ADAMTS2: variants seen among roughly 807,000 people sequenced by gnomAD.
ADAMTS2 encodes the protein A disintegrin and metalloproteinase with thrombospondin motifs 2.
ADAMTS2 carries 50 observed loss-of-function variants against 123.0 expected under a neutral mutation model. That is an observed-to-expected ratio of 0.41 (90% CI 0.32 to 0.51). ADAMTS2 has a LOEUF of 0.51. Ranked by LOEUF, ADAMTS2 falls within the 20% of genes least tolerant of loss-of-function variation. The pLI is 0.35. For synonymous variants in ADAMTS2, 678 were observed against 695.4 expected (o/e 0.98, Z 0.39); for missense variants, 1,494 against 1,705.2 (o/e 0.88, Z 2.18).
At chr5:179,301,935 T>G (rs1035577583) in intron 2 of ADAMTS2, among the ~76,000 whole-genome samples, 2 of 152,228 alleles carry the variant, frequency 1.3e-5, no homozygotes, top group Non-Finnish European at 2.9e-5. Flanking sequence ...GGCCCCCAGC[T>G]GCTTGGGAAC....
At chr5:179,126,259 G>A (rs1581139481) in intron 17 of ADAMTS2, 129 bp from the exon 18 acceptor site, 2 of 1,359,374 alleles carry the variant, frequency 1.5e-6, no homozygotes, top group Admixed American at 1.7e-5. Flanking sequence ...AATAAGGGTG[G>A]GCAGGGCACC....
At chr5:179,277,317 TGACACCCCGAGACCAAA>T (rs1766726073) in intron 2 of ADAMTS2, among the ~76,000 whole-genome samples, 2 of 5,936 alleles carry the variant, frequency 3.4e-4, no homozygotes, top group African/African-American at 4.7e-4. Context: ...GACCAAAGGC[TGACACCCCGAGACCAAA>T]GGCTGACCCC....
rs768741359 is a variant in ADAMTS2 at position 179,308,463 on chromosome 5, T to A, written c.534+35304A>T. 4.5e-4 allele frequency among the ~76,000 whole-genome samples: 68 copies of A among 152,024 alleles called. 1 individual carries two copies. The highest frequency in any genetic ancestry group is 6.3e-4 in the Non-Finnish European group (43 of 67,996). ...GAGGACAGGAACGGGCAGCCGCCACTGTTCACGAGCAAGGGTGCAGGGGCA... is the reference window on the plus strand; with the variant it reads ...GAGGACAGGAACGGGCAGCCGCCACAGTTCACGAGCAAGGGTGCAGGGGCA... On this transcript the variant is annotated intron_variant, in intron 2 of 21. Transcript: ENST00000251582. The surrounding 1 kb of genome is among the most constrained non-coding windows in gnomAD (Gnocchi z 6.6).
intron 3 of ADAMTS2, among the ~76,000 whole-genome samples, chr5:179,212,507 T>A (rs1419350256): frequency 9.4e-6 from 1 of 106,008 alleles, no homozygotes; most frequent in Non-Finnish European, 1.9e-5. Flanking sequence ...AGGCACGGGC[T>A]TTGTGGGCAG....
intron 4 of ADAMTS2, among the ~76,000 whole-genome samples, chr5:179,196,549 G>A (rs545642342): frequency 3.3e-4 from 51 of 152,330 alleles, no homozygotes; most frequent in African/African-American, 3.6e-4. Flanking sequence ...AAGAATCCCC[G>A]AAGTAGCCTC....
In ADAMTS2 at chr5:179,129,347, C is replaced by A. The variant is rs539910229; in HGVS notation, c.2457+585G>T. On this transcript the variant is annotated intron_variant, in intron 16 of 21. Coordinates refer to ENST00000251582, the MANE Select transcript of ADAMTS2 (RefSeq NM_014244.5). This position sits in a 1 kb window ranked among gnomAD's most constrained non-coding sequence, Gnocchi z 4.1. ...CCAGCATGCCCACCTTAGGGAGGGG[C>A]TCCAGAGCATGGGAGCCTTATTTGT... Among the ~76,000 whole-genome samples, 82 of 152,274 alleles carry A rather than the reference C, an allele frequency of 5.4e-4. No individual in the cohort carries two copies. The highest frequency in any genetic ancestry group is 1.9e-3 in the African/African-American group (80 of 41,534).
At position 179,284,959 on chromosome 5, in the gene ADAMTS2, C is replaced by T. The variant is rs115230461; in HGVS notation, c.535-11895G>A. Among the ~76,000 whole-genome samples the T allele has an allele frequency of 8.7e-3, 1,322 of 152,288 alleles. 12 individuals carry two copies. The highest frequency in any genetic ancestry group is 0.014 in the Middle Eastern group (4 of 294). On this transcript the variant is annotated intron_variant, in intron 2 of 21. Transcript: ENST00000251582. Reference sequence around the variant, plus strand: ...TCTGCCTCGATTCAAATGTTTACTTCACCTCTGACTGAGTGGCCTCTCTGT... The same window carrying T: ...TCTGCCTCGATTCAAATGTTTACTTTACCTCTGACTGAGTGGCCTCTCTGT...
intron 3 of ADAMTS2, among the ~76,000 whole-genome samples, chr5:179,263,586 C>T (rs890707178): frequency 3.3e-5 from 5 of 152,232 alleles, no homozygotes; most frequent in African/African-American, 7.2e-5. Flanking sequence ...GCGTGAGCTG[C>T]GCTCCTGGCC....
At chr5:179,168,921 C>G (rs1043879886) in intron 5 of ADAMTS2, among the ~76,000 whole-genome samples, 2 of 152,182 alleles carry the variant, frequency 1.3e-5, no homozygotes, top group Non-Finnish European at 2.9e-5. Context: ...ACTCCCATAT[C>G]GTTCCAGCAT....
chr5:179,123,701 T>A (rs1762802438), intron 19 of ADAMTS2, among the ~76,000 whole-genome samples: 1 of 152,252 alleles, frequency 6.6e-6, no homozygotes, highest in Non-Finnish European at 1.5e-5. Context: ...AGTGCTGGGA[T>A]CACTGGCGTA....
At chr5:179,219,391 A>G (rs1394905383) in intron 3 of ADAMTS2, among the ~76,000 whole-genome samples, 3 of 152,236 alleles carry the variant, frequency 2.0e-5, no homozygotes, top group African/African-American at 7.2e-5. Flanking sequence ...TTACAAACAC[A>G]GACACAGCCA....
chr5:179,314,247 GT>G lies in ADAMTS2; in HGVS notation c.534+29519del, dbSNP rs542783849. Among the ~76,000 whole-genome samples the G allele has an allele frequency of 8.1e-4, 123 of 152,294 alleles. No individual in the cohort carries two copies. The highest frequency in any genetic ancestry group is 2.7e-3 in the African/African-American group (113 of 41,576). ...CTGCCCCTCCCACCGGGTCGGCCCT[GT>G]CCTTGTCTTGCTCAGCTCGGGGGAA... On this transcript the variant is annotated intron_variant, in intron 2 of 21. Transcript: ENST00000251582. This position sits in a 1 kb window ranked among gnomAD's most constrained non-coding sequence, Gnocchi z 4.5.
At chr5:179,343,515 C>G (rs1387576702) in intron 2 of ADAMTS2, among the ~76,000 whole-genome samples, 1 of 152,236 alleles carries the variant, frequency 6.6e-6, no homozygotes, top group African/African-American at 2.4e-5. Context: ...GAGAGGCGCA[C>G]GCTCCTGCCT....
intron 5 of ADAMTS2, among the ~76,000 whole-genome samples, chr5:179,166,374 G>A (rs1241689382): frequency 1.3e-5 from 2 of 152,230 alleles, no homozygotes; most frequent in African/African-American, 4.8e-5. Context: ...AGGTGGAGAG[G>A]GCAGATCTGA....
rs767712023 is a variant in ADAMTS2 at position 179,242,270 on chromosome 5, T to A, written c.688+30641A>T. On this transcript the variant is annotated intron_variant, in intron 3 of 21. Transcript: ENST00000251582. This position sits in a 1 kb window ranked among gnomAD's most constrained non-coding sequence, Gnocchi z 4.2. ...CCTCGTGTGGGCCAGCGGTGCCTGC[T>A]GTCTTGCTCGCGTGTGCCAGCAAAT... Among the ~76,000 whole-genome samples, 5 of 152,230 alleles carry A rather than the reference T, an allele frequency of 3.3e-5. No homozygotes were observed. Among genetic ancestry groups the A allele is most frequent in the Non-Finnish European group, 7.3e-5 (5 of 68,044 alleles).
chr5:179,185,733 G>T lies in ADAMTS2; in HGVS notation c.892-4578C>A, dbSNP rs1764158977. ...TGAGCCCTGGGGTGTCAGGCTGCTAGGCGTGGGCCCCTGGCTGGGGAGCTC... is the reference window on the plus strand; with the variant it reads ...TGAGCCCTGGGGTGTCAGGCTGCTATGCGTGGGCCCCTGGCTGGGGAGCTC... On this transcript the variant is annotated intron_variant, in intron 4 of 21. Coordinates refer to ENST00000251582, the MANE Select transcript of ADAMTS2 (RefSeq NM_014244.5). The surrounding 1 kb of genome is among the most constrained non-coding windows in gnomAD (Gnocchi z 5.9). 6.6e-6 allele frequency among the ~76,000 whole-genome samples: 1 copy of T among 152,040 alleles called. No individual in the cohort carries two copies. The highest frequency in any genetic ancestry group is 6.5e-5 in the Admixed American group (1 of 15,278).
intron 2 of ADAMTS2, among the ~76,000 whole-genome samples, chr5:179,316,017 A>G (rs1468170009): frequency 6.6e-6 from 1 of 152,262 alleles, no homozygotes; most frequent in African/African-American, 2.4e-5. Flanking sequence ...ATACATATAT[A>G]AGAAAAAGCT....
chr5:179,268,507 C>T (rs1357998232), intron 3 of ADAMTS2, among the ~76,000 whole-genome samples: 1 of 152,250 alleles, frequency 6.6e-6, no homozygotes, highest in Admixed American at 6.5e-5. Context: ...GTCTTTCTCA[C>T]TGTGTGGCAA....
At chr5:179,281,878 G>A (rs566604200) in intron 2 of ADAMTS2, among the ~76,000 whole-genome samples, 4 of 152,206 alleles carry the variant, frequency 2.6e-5, no homozygotes, top group African/African-American at 4.8e-5. Flanking sequence ...ATCATGCTTC[G>A]GCTTGCATTT....
Sources: gnomAD v4.1 joint callset for allele counts (sites outside exome capture counted in the v4.1 genomes callset) on GRCh38, gnomAD v4.1.1 for gene constraint, Gnocchi (gnomAD v3.1) non-coding constraint, MANE v1.5 for transcripts, NCBI Gene and HGNC (gene_info 2026-07-23, HGNC 2026-07-21) for gene names.